The following PRKDC variants were observed in gnomAD, a reference collection of about 807,000 sequenced individuals.
PRKDC encodes the protein protein kinase, DNA-activated, catalytic subunit.
In PRKDC, 82 loss-of-function variants were observed where a neutral mutation model predicts 486.9. The ratio of observed to expected loss-of-function variants is 0.17; its 90% CI spans 0.14 to 0.20. The LOEUF (loss-of-function observed/expected upper bound fraction) is 0.20. Ranked by LOEUF, PRKDC falls within the 10% of genes least tolerant of loss-of-function variation. The probability of loss-of-function intolerance (pLI) is 1.00; values close to 1 mark genes in which losing one functional copy is unlikely to be tolerated. For synonymous variants in PRKDC, 1,895 were observed against 1,837.0 expected, an observed-to-expected ratio of 1.03 and a Z score of -0.81; for missense variants, 4,504 against 5,038.2, an observed-to-expected ratio of 0.89 and a Z score of 3.21.
chr8:47,785,489 T>C (rs2086775350), intron 76 of PRKDC, among the ~76,000 whole-genome samples, 172 bp from the exon 77 acceptor site: 1 of 151,924 alleles, frequency 6.6e-6, no homozygotes. Context: ...ATCCCAGCAC[T>C]TTGGGAGTCC....
intron 17 of PRKDC, 130 bp downstream of exon 17, chr8:47,930,542 G>C (rs1001729661): frequency 2.7e-5 from 23 of 858,468 alleles, no homozygotes; most frequent in Middle Eastern, 3.6e-4. Flanking sequence ...AAAGTGCTGG[G>C]ATTACAGGCG....
intron 64 of PRKDC, among the ~76,000 whole-genome samples, chr8:47,822,331 C>A (rs79283501): frequency 1.2e-3 from 174 of 151,096 alleles, no homozygotes; most frequent in African/African-American, 4.1e-3. Flanking sequence ...TAGGAGGAAG[C>A]CATTTCTCTG....
At chr8:47,777,125 G>T in intron 84 of PRKDC, 142 bp from the exon 85 acceptor site, 1 of 999,406 alleles carries the variant, frequency 1.0e-6, no homozygotes, top group Non-Finnish European at 1.5e-6. Context: ...CTACAAAGCT[G>T]TTCATACAGA....
intron 70 of PRKDC, among the ~76,000 whole-genome samples, chr8:47,802,665 C>G (rs1247617274): frequency 6.8e-6 from 1 of 147,956 alleles, no homozygotes; most frequent in Admixed American, 6.7e-5. Flanking sequence ...TTTTTTTTTT[C>G]TTTTTGAGAT....
At chr8:47,952,666 G>C (rs1437104484) in intron 7 of PRKDC, among the ~76,000 whole-genome samples, 1 of 151,816 alleles carries the variant, frequency 6.6e-6, no homozygotes, top group African/African-American at 2.4e-5. Context: ...GACCAGCCTG[G>C]GCAACATAAT....
At chr8:47,837,148 A>C (rs2088043055) in intron 57 of PRKDC, 64 bp downstream of exon 57, 1 of 1,448,636 alleles carries the variant, frequency 6.9e-7, no homozygotes, top group Admixed American at 2.0e-5. Context: ...CAAAGCTATT[A>C]AAAATGTTCA....
intron 29 of PRKDC, among the ~76,000 whole-genome samples, chr8:47,898,207 C>T (rs539814229): frequency 7.4e-4 from 112 of 152,310 alleles, no homozygotes; most frequent in African/African-American, 2.6e-3. Context: ...TTAAATAAAA[C>T]GTCTGTTACA....
chr8:47,811,880 G>A (rs1370149534), intron 68 of PRKDC, among the ~76,000 whole-genome samples: 1 of 152,184 alleles, frequency 6.6e-6, no homozygotes, highest in East Asian at 1.9e-4. Flanking sequence ...GGGAGGCTGA[G>A]GCAGGAGAAT....
chr8:47,872,808 G>A (rs1308792664), intron 40 of PRKDC, among the ~76,000 whole-genome samples: 1 of 152,148 alleles, frequency 6.6e-6, no homozygotes, highest in African/African-American at 2.4e-5. Flanking sequence ...TAGAGCTAAA[G>A]GGGTGAGACA....
Position 47,782,849 on chromosome 8 carries a change from G to A in PRKDC, c.11176-251C>T, listed in dbSNP as rs1286020174. The A allele has an allele frequency of 5.4e-6, 3 of 550,504 alleles. No individual in the cohort carries two copies. The highest frequency in any genetic ancestry group is 9.8e-6 in the Non-Finnish European group (3 of 307,146). 34.1% of individuals were successfully genotyped at this position (550,504 alleles called of 1,614,324 possible). A position where few individuals can be genotyped will look rare whatever the true frequency, so the allele number is the denominator to read the frequency against. On this transcript the variant is annotated intron_variant, in intron 78 of 85. Transcript: ENST00000314191. The surrounding 1 kb of genome is among the most constrained non-coding windows in gnomAD (Gnocchi z 4.9). ...TGGATATCTTTAGCAAGCAGCAACA[G>A]CCAACATGCAAACTTTCTACAGTAG...
intron 46 of PRKDC, 65 bp downstream of exon 46, chr8:47,859,546 A>G (rs1589748271): frequency 6.5e-7 from 1 of 1,545,756 alleles, no homozygotes; most frequent in Non-Finnish European, 8.8e-7. Flanking sequence ...ACAGCAAGGC[A>G]TAGCTGTGAC....
In PRKDC at chr8:47,943,240, G is replaced by A; in HGVS notation, c.935C>T (p.Ala312Val). 1 of 1,613,418 alleles carries A rather than the reference G, an allele frequency of 6.2e-7. No homozygotes were observed. Among genetic ancestry groups the A allele is most frequent in the Non-Finnish European group, 8.5e-7 (1 of 1,179,702 alleles). Residue 312 changes from alanine to valine, a missense_variant, in exon 10 of 86, where the codon GCA (alanine) becomes GTA (valine). Physicochemically the swap from Ala to Val is moderately conservative, Grantham distance 64. Around this residue, in one of 6 missense-constraint regions of PRKDC, gnomAD observed 1,969 missense variants for 2,068.9 expected, o/e 0.95. Coordinates refer to ENST00000314191, the MANE Select transcript of PRKDC (RefSeq NM_006904.7). ...CAGAAAGGATTCCAGGGCTGAAAGT[G>A]CAGCTTTTTTCAATTCTACATTTGT... is the stretch of plus-strand genomic sequence containing the variant. The part of the protein sequence containing the change: ...AHTNVELKKA[A>V]LSALESFLKQ...
chr8:47,886,098 G>A lies in PRKDC; in HGVS notation c.4622C>T (p.Ala1541Val), dbSNP rs201417758. ...GCTGCCCTGTGAGCTGCCCAAGGAC[G>A]CCGTGGACAGCACCGCTGGGTTCAG... Reference protein sequence around the residue: ...LLLNPAVLSTASLGSSQGSVI... With the variant: ...LLLNPAVLSTVSLGSSQGSVI... Residue 1541 changes from alanine to valine, a missense_variant, in exon 36 of 86, where the codon GCG becomes GTG. Coordinates refer to ENST00000314191, the MANE Select transcript of PRKDC (RefSeq NM_006904.7). The A allele has an allele frequency of 2.5e-6, 4 of 1,613,436 alleles. No individual in the cohort carries two copies. Among genetic ancestry groups the A allele is most frequent in the East Asian group, 2.2e-5 (1 of 44,880 alleles).
intron 9 of PRKDC, 71 bp downstream of exon 9, chr8:47,943,782 A>T: frequency 7.6e-7 from 1 of 1,313,086 alleles, no homozygotes; most frequent in Non-Finnish European, 1.1e-6. Context: ...TTCAAAGTTT[A>T]AGCAAAAGCT....
intron 21 of PRKDC, among the ~76,000 whole-genome samples, chr8:47,924,987 T>G (rs147766723): frequency 1.3e-5 from 2 of 152,330 alleles, no homozygotes; most frequent in African/African-American, 4.8e-5. Flanking sequence ...CTTCTCACCC[T>G]GCCTGCACCC....
intron 1 of PRKDC, among the ~76,000 whole-genome samples, chr8:47,958,383 T>C (rs1234472148): frequency 6.6e-6 from 1 of 152,166 alleles, no homozygotes; most frequent in Non-Finnish European, 1.5e-5. Context: ...TCTAGCTTGG[T>C]GAGACCTGTG....
At chr8:47,820,229 A>T (rs1490561025) in intron 66 of PRKDC, among the ~76,000 whole-genome samples, 1 of 152,162 alleles carries the variant, frequency 6.6e-6, no homozygotes, top group Non-Finnish European at 1.5e-5. Flanking sequence ...CCTGGCCAAC[A>T]TGGTTAAACC....
At chr8:47,804,997 G>A (rs1229598411) in intron 69 of PRKDC, 5 of 151,828 alleles carry the variant, frequency 3.3e-5, no homozygotes, top group Admixed American at 6.6e-5. Context: ...CCTGACCTCA[G>A]GTGATCCACC....
At position 47,778,798 on chromosome 8, in the gene PRKDC, C is replaced by T; in HGVS notation, c.11581G>A (p.Gly3861Ser). The change falls in exon 82 of 86, where the codon GGC (glycine) becomes AGC (serine). Residue 3861 changes from glycine to serine, a missense_variant and splice_region_variant. Around this residue, in one of 6 missense-constraint regions of PRKDC, gnomAD observed 706 missense variants for 945.0 expected, o/e 0.75. Transcript: ENST00000314191. ...DVGAYMLMYK[G>S]ANRTETVTSF... The stretch of plus-strand genomic sequence containing the variant: ...GTGACTGTTTCAGTACGATTAGCGC[C>T]CCTATGATTTAATAATAGAAACATC... The T allele has an allele frequency of 6.2e-7, 1 of 1,612,372 alleles. No individual in the cohort carries two copies. Among genetic ancestry groups the T allele is most frequent in the Non-Finnish European group, 8.5e-7 (1 of 1,179,336 alleles).
Sources: allele counts gnomAD v4.1 joint callset (sites outside exome capture counted in the v4.1 genomes callset), GRCh38; gene constraint gnomAD v4.1.1; regional missense constraint gnomAD v4.1.1; non-coding constraint Gnocchi (gnomAD v3.1); transcripts MANE v1.5; gene names NCBI Gene and HGNC (gene_info 2026-07-23, HGNC 2026-07-21).